Variants in CNTN5 observed in about 807,000 individuals in gnomAD.
The protein encoded by CNTN5 is contactin 5, also known as contactin-5.
A neutral mutation model predicts 129.1 loss-of-function variants in CNTN5; 77 were observed. That is an observed-to-expected ratio of 0.60 (90% CI 0.50 to 0.72). The LOEUF (loss-of-function observed/expected upper bound fraction) is 0.72. CNTN5 is among the 30% of genes least tolerant of loss of function. CNTN5 has a pLI of 0.00. For synonymous variants in CNTN5, 509 were observed against 465.6 expected (o/e 1.09, Z -1.20); for missense variants, 1,478 against 1,328.8 (o/e 1.11, Z -1.75).
chr11:99,567,967 A>G (rs1445545792), intron 3 of CNTN5, among the ~76,000 whole-genome samples: 1 of 152,250 alleles, frequency 6.6e-6, no homozygotes, highest in Non-Finnish European at 1.5e-5. Context: ...CTGGGGTGAT[A>G]TAAAATTAAA....
intron 9 of CNTN5, among the ~76,000 whole-genome samples, chr11:100,051,190 C>T (rs1942935968): frequency 2.0e-5 from 3 of 152,026 alleles, no homozygotes; most frequent in Admixed American, 6.6e-5. Flanking sequence ...TACCAACCAA[C>T]AGCAGAATAC....
chr11:99,406,933 C>T (rs1385905044), intron 2 of CNTN5, among the ~76,000 whole-genome samples: 1 of 149,248 alleles, frequency 6.7e-6, no homozygotes, highest in Non-Finnish European at 1.5e-5. Flanking sequence ...GCCTGGGACT[C>T]ACCCTTCAGG....
chr11:99,452,390 T>TTTTTG (rs1005509594), intron 2 of CNTN5, among the ~76,000 whole-genome samples: 2 of 139,844 alleles, frequency 1.4e-5, no homozygotes, highest in Non-Finnish European at 3.2e-5. Context: ...TTTTTTTTTT[T>TTTTTG]GGGACGGAGT....
At chr11:99,782,254 G>T (rs1455947160) in intron 3 of CNTN5, among the ~76,000 whole-genome samples, 2 of 145,846 alleles carry the variant, frequency 1.4e-5, no homozygotes, top group Admixed American at 1.4e-4. Context: ...AAAATACCTA[G>T]GAATCCAACT....
At chr11:99,660,052 T>C (rs925596490) in intron 3 of CNTN5, among the ~76,000 whole-genome samples, 5 of 152,086 alleles carry the variant, frequency 3.3e-5, no homozygotes, top group Admixed American at 3.3e-4. Flanking sequence ...TGCAGAAATA[T>C]GAACATTGAT....
chr11:99,628,001 C>T (rs1951192120), intron 3 of CNTN5, among the ~76,000 whole-genome samples: 1 of 150,052 alleles, frequency 6.7e-6, no homozygotes, highest in South Asian at 2.1e-4. Flanking sequence ...TGTTGGATTA[C>T]TTTGACTTAA....
At chr11:99,836,746 T>A (rs1481276876) in intron 4 of CNTN5, among the ~76,000 whole-genome samples, 1 of 152,204 alleles carries the variant, frequency 6.6e-6, no homozygotes, top group Non-Finnish European at 1.5e-5. Flanking sequence ...TGAACTAGTT[T>A]ACAGTCTCAC....
intron 1 of CNTN5, among the ~76,000 whole-genome samples, chr11:99,266,797 A>G (rs1862921360): frequency 6.6e-6 from 1 of 152,046 alleles, no homozygotes; most frequent in Non-Finnish European, 1.5e-5. Flanking sequence ...ACAAATAATG[A>G]GGAACAAGTG....
chr11:100,159,283 A>G (rs1009150273), intron 13 of CNTN5, among the ~76,000 whole-genome samples: 2 of 151,874 alleles, frequency 1.3e-5, no homozygotes, highest in South Asian at 2.1e-4. Flanking sequence ...AATGTTGCCA[A>G]TGTTCTAGCT....
chr11:100,154,684 G>A (rs1947177675), intron 13 of CNTN5, among the ~76,000 whole-genome samples: 2 of 152,072 alleles, frequency 1.3e-5, no homozygotes, highest in Admixed American at 1.3e-4. Context: ...TCTAGTATCT[G>A]TTGTTTCCTG....
intron 9 of CNTN5, among the ~76,000 whole-genome samples, chr11:100,051,202 C>T (rs912872866): frequency 1.3e-5 from 2 of 152,032 alleles, no homozygotes; most frequent in Non-Finnish European, 2.9e-5. Flanking sequence ...GCAGAATACA[C>T]TTATCTGCAC....
chr11:99,055,111 A>T (rs1591113663), intron 1 of CNTN5, among the ~76,000 whole-genome samples: 1 of 151,988 alleles, frequency 6.6e-6, no homozygotes, highest in South Asian at 2.1e-4. Context: ...CGTGATGCTA[A>T]TGTTACTGAT....
intron 2 of CNTN5, among the ~76,000 whole-genome samples, chr11:99,438,506 A>G (rs1233674108): frequency 6.6e-6 from 1 of 152,024 alleles, no homozygotes; most frequent in Non-Finnish European, 1.5e-5. Context: ...ATTTTCCTTC[A>G]TATTCTTATT....
intron 6 of CNTN5, among the ~76,000 whole-genome samples, chr11:99,905,887 A>G (rs1320883841): frequency 6.6e-6 from 1 of 152,004 alleles, no homozygotes; most frequent in Non-Finnish European, 1.5e-5. Flanking sequence ...TAGGTATTTT[A>G]TTCTCTTTGT....
At chr11:99,889,384 A>C (rs1591370285) in intron 6 of CNTN5, among the ~76,000 whole-genome samples, 1 of 149,742 alleles carries the variant, frequency 6.7e-6, no homozygotes, top group East Asian at 2.0e-4. Flanking sequence ...CATATATATG[A>C]AATTTGATAA....
chr11:99,267,346 G>A (rs556598803), intron 1 of CNTN5, among the ~76,000 whole-genome samples: 28 of 152,086 alleles, frequency 1.8e-4, no homozygotes, highest in African/African-American at 6.5e-4. Flanking sequence ...TAGAAATATG[G>A]AAAATGGAAT....
intron 1 of CNTN5, among the ~76,000 whole-genome samples, chr11:99,310,646 A>T (rs1353399856): frequency 1.3e-5 from 2 of 152,156 alleles, no homozygotes; most frequent in Non-Finnish European, 2.9e-5. Context: ...ATTTCTGTCA[A>T]TTGAGAAGTA....
chr11:100,302,504 G>A (rs78264207), intron 20 of CNTN5, among the ~76,000 whole-genome samples: 1 of 151,544 alleles, frequency 6.6e-6, no homozygotes, highest in Non-Finnish European at 1.5e-5. Flanking sequence ...AGAGGAGTGA[G>A]ACTGCCTTAC....
At chr11:100,258,370 T>C (rs1195605361) in intron 17 of CNTN5, among the ~76,000 whole-genome samples, 2 of 152,190 alleles carry the variant, frequency 1.3e-5, no homozygotes, top group Non-Finnish European at 2.9e-5. Flanking sequence ...CTCTTAGGGA[T>C]ATTATCCAGG....
Sources: gnomAD v4.1 joint callset for allele counts (sites outside exome capture counted in the v4.1 genomes callset) on GRCh38, gnomAD v4.1.1 for gene constraint, MANE v1.5 for transcripts, NCBI Gene and HGNC (gene_info 2026-07-23, HGNC 2026-07-21) for gene names.